Variants in EYA2 observed in about 807,000 individuals in gnomAD.
EYA2 encodes the protein EYA transcriptional coactivator and phosphatase 2, also known as protein phosphatase EYA2.
A neutral mutation model predicts 69.2 loss-of-function variants in EYA2; 31 were observed. The observed-to-expected ratio is 0.45, with a 90% CI of 0.34 to 0.60. The LOEUF is 0.60. Ranked by LOEUF, EYA2 falls within the 20% of genes least tolerant of loss-of-function variation. The pLI is 0.02. For synonymous variants in EYA2, 257 were observed against 279.4 expected (o/e 0.92, Z 0.80); for missense variants, 622 against 701.2 (o/e 0.89, Z 1.28).
chr20:46,982,101 C>G (rs1218243631), intron 1 of EYA2, among the ~76,000 whole-genome samples: 1 of 152,040 alleles, frequency 6.6e-6, no homozygotes, highest in Non-Finnish European at 1.5e-5. Context: ...ACATATTTAC[C>G]CTTTTATGTT....
intron 5 of EYA2, among the ~76,000 whole-genome samples, chr20:47,048,492 G>A (rs1344724856): frequency 6.6e-6 from 1 of 152,198 alleles, no homozygotes; most frequent in Non-Finnish European, 1.5e-5. Context: ...AATTCTAGCA[G>A]TTTGGGAGAC....
At chr20:47,167,279 A>ATTTT (rs2034219376) in intron 10 of EYA2, among the ~76,000 whole-genome samples, 3 of 70,076 alleles carry the variant, frequency 4.3e-5, no homozygotes, top group African/African-American at 6.5e-5. Flanking sequence ...CGGTTTTTTT[A>ATTTT]CTTTTTTTTT....
chr20:47,006,967 G>T (rs8124733), intron 4 of EYA2, among the ~76,000 whole-genome samples: 1 of 152,124 alleles, frequency 6.6e-6, no homozygotes, highest in Admixed American at 6.5e-5. Context: ...ATCTCACTCT[G>T]TTGTCCAGCC....
chr20:47,112,862 C>CTCTTTTTTTTTTTT (rs2032784845), intron 9 of EYA2, among the ~76,000 whole-genome samples: 1 of 55,808 alleles, frequency 1.8e-5, no homozygotes. Flanking sequence ...ATGTTCACTC[C>CTCTTTTTTTTTTTT]TTTTTTTTTT....
At chr20:46,923,376 A>C (rs939999226) in intron 1 of EYA2, among the ~76,000 whole-genome samples, 14 of 152,204 alleles carry the variant, frequency 9.2e-5, no homozygotes, top group African/African-American at 3.1e-4. Context: ...AAAAACAAAC[A>C]AAAGAAATGT....
At chr20:47,062,729 G>A (rs2030940914) in intron 5 of EYA2, among the ~76,000 whole-genome samples, 2 of 152,160 alleles carry the variant, frequency 1.3e-5, no homozygotes, top group Non-Finnish European at 2.9e-5. Context: ...AGAGCCTTCT[G>A]CGGTGAATCT....
chr20:47,135,842 C>CAAAAAAAAAAAAAAA (rs1266669397), intron 9 of EYA2, among the ~76,000 whole-genome samples: 4 of 54,022 alleles, frequency 7.4e-5, no homozygotes, highest in Non-Finnish European at 8.8e-5. Flanking sequence ...AAAAAAAAAA[C>CAAAAAAAAAAAAAAA]AAACAAACAA....
chr20:47,119,026 C>T (rs1192202446), intron 9 of EYA2, among the ~76,000 whole-genome samples: 2 of 152,242 alleles, frequency 1.3e-5, no homozygotes, highest in Non-Finnish European at 2.9e-5. Flanking sequence ...TTGCTGCTCA[C>T]GATGATAAGT....
At chr20:46,919,254 G>A (rs546600830) in intron 1 of EYA2, among the ~76,000 whole-genome samples, 27 of 152,352 alleles carry the variant, frequency 1.8e-4, no homozygotes, top group South Asian at 8.3e-4. Context: ...TCAGCCTGTC[G>A]TTTGAGGCTG....
intron 9 of EYA2, among the ~76,000 whole-genome samples, chr20:47,122,514 G>T (rs2033080884): frequency 6.6e-6 from 1 of 151,766 alleles, no homozygotes; most frequent in Non-Finnish European, 1.5e-5. Context: ...TAGCCAGGGT[G>T]GTCTCGATCT....
At chr20:46,938,511 G>A (rs1487678424) in intron 1 of EYA2, among the ~76,000 whole-genome samples, 1 of 152,202 alleles carries the variant, frequency 6.6e-6, no homozygotes, top group African/African-American at 2.4e-5. Flanking sequence ...AGCTGGGGCT[G>A]CCTTCACATC....
chr20:47,029,600 C>T (rs1159320456), intron 5 of EYA2, among the ~76,000 whole-genome samples: 1 of 152,206 alleles, frequency 6.6e-6, no homozygotes, highest in African/African-American at 2.4e-5. Context: ...TCCTTTTCCT[C>T]ATACCTCCCA....
chr20:47,108,895 G>A (rs974178541), intron 9 of EYA2, among the ~76,000 whole-genome samples: 1 of 152,070 alleles, frequency 6.6e-6, no homozygotes, highest in Non-Finnish European at 1.5e-5. Flanking sequence ...TCTCCCCGGG[G>A]AGAGGAGAGT....
chr20:47,097,050 AT>A, intron 8 of EYA2, 34 bp from the exon 9 acceptor site: 6 of 1,544,046 alleles, frequency 3.9e-6, no homozygotes, highest in Non-Finnish European at 3.6e-6. Context: ...ACGTGAGTCC[AT>A]TTTTCTCCAT....
intron 5 of EYA2, among the ~76,000 whole-genome samples, chr20:47,046,727 C>G (rs2030058898): frequency 6.6e-6 from 1 of 152,152 alleles, no homozygotes; most frequent in African/African-American, 2.4e-5. Flanking sequence ...AGGGTCCAAA[C>G]TAGGGCCAGT....
intron 1 of EYA2, among the ~76,000 whole-genome samples, chr20:46,939,216 A>G (rs1986049749): frequency 6.6e-6 from 1 of 152,176 alleles, no homozygotes; most frequent in African/African-American, 2.4e-5. Context: ...AGCTGGGCCA[A>G]TCAGAATAAT....
chr20:47,180,755 A>T, intron 13 of EYA2, 60 bp from the exon 14 acceptor site: 1 of 1,586,890 alleles, frequency 6.3e-7, no homozygotes, highest in South Asian at 1.2e-5. Flanking sequence ...TCATGCAGCA[A>T]GAGGAGGCCT....
chr20:47,172,794 C>T lies in EYA2; in HGVS notation c.1125C>T (p.Asp375=). The T allele has an allele frequency of 6.2e-7, 1 of 1,614,170 alleles. No homozygotes were observed. Among genetic ancestry groups the T allele is most frequent in the Non-Finnish European group, 8.5e-7 (1 of 1,180,024 alleles). ...CLGSGVHGGV[D]WMRKLAFRYR... ...GCTCTGGCGTGCACGGCGGCGTGGACTGGATGAGGAAGCTGGCCTTCCGCT... is the reference window on the plus strand; with the variant it reads ...GCTCTGGCGTGCACGGCGGCGTGGATTGGATGAGGAAGCTGGCCTTCCGCT... The change falls in exon 12 of 16, where the codon GAC becomes GAT. Residue 375 remains aspartate, a synonymous_variant. Transcript: ENST00000327619.
rs563047021 is a variant in EYA2 at position 47,049,873 on chromosome 20, C to T, written c.416-22312C>T. On this transcript the variant is annotated intron_variant, in intron 5 of 15. Coordinates refer to ENST00000327619, the MANE Select transcript of EYA2 (RefSeq NM_005244.5). ...CATCTGTGACAGACCCCCCCCCCAC[C>T]GCCACCAGTCTGTCTTTCTCTCATG... 2.0e-3 allele frequency among the ~76,000 whole-genome samples: 293 copies of T among 147,822 alleles called. 2 individuals carry two copies. The highest frequency in any genetic ancestry group is 4.5e-3 in the Admixed American group (66 of 14,824).
Sources: gnomAD v4.1 joint callset for allele counts (sites outside exome capture counted in the v4.1 genomes callset) on GRCh38, gnomAD v4.1.1 for gene constraint, MANE v1.5 for transcripts, NCBI Gene and HGNC (gene_info 2026-07-23, HGNC 2026-07-21) for gene names.